Variants in RYR2 observed in about 807,000 individuals in gnomAD.
The protein encoded by RYR2 is ryanodine receptor 2, also known as cardiac muscle ryanodine receptor-calcium release channel.
A neutral mutation model predicts 601.1 loss-of-function variants in RYR2; 227 were observed. The ratio of observed to expected loss-of-function variants is 0.38; its 90% CI spans 0.34 to 0.42. The LOEUF (loss-of-function observed/expected upper bound fraction) is 0.42, where lower values mean the gene tolerates loss of function less well. Among genes scored for constraint, RYR2 ranks in the 10% least tolerant of loss-of-function variants. RYR2 has a pLI of 1.00. For synonymous variants in RYR2, 2,223 were observed against 2,175.1 expected (o/e 1.02, Z -0.61); for missense variants, 4,646 against 6,156.5 (o/e 0.75, Z 8.21).
intron 1 of RYR2, among the ~76,000 whole-genome samples, chr1:237,217,967 C>G (rs1444443601): frequency 2.0e-5 from 3 of 152,166 alleles, no homozygotes; most frequent in African/African-American, 7.2e-5. Flanking sequence ...CATTTAGTGA[C>G]TAATAACTTT....
chr1:237,253,947 A>C (rs572312647), intron 1 of RYR2, among the ~76,000 whole-genome samples: 1 of 152,316 alleles, frequency 6.6e-6, no homozygotes, highest in Admixed American at 6.5e-5. Flanking sequence ...TGGAGGCTGA[A>C]ATTGCAAACT....
chr1:237,460,190 T>C (rs1208632591), intron 16 of RYR2, among the ~76,000 whole-genome samples: 1 of 152,226 alleles, frequency 6.6e-6, no homozygotes, highest in Admixed American at 6.5e-5. Flanking sequence ...CTTTCTGACA[T>C]GGGAAAAGTG....
At chr1:237,042,614 A>G (rs937140246) in intron 1 of RYR2, 45 bp downstream of exon 1, 17 of 1,249,926 alleles carry the variant, frequency 1.4e-5, no homozygotes, top group Non-Finnish European at 1.6e-5. Flanking sequence ...AGGGGGCGTC[A>G]GGGCATCCAC....
At chr1:237,551,262 G>A (rs1416608951) in intron 27 of RYR2, among the ~76,000 whole-genome samples, 1 of 152,150 alleles carries the variant, frequency 6.6e-6, no homozygotes, top group Non-Finnish European at 1.5e-5. Context: ...GGGCATGGTG[G>A]CTCACGCCTG....
chr1:237,117,910 A>G (rs1393361722), intron 1 of RYR2, among the ~76,000 whole-genome samples: 3 of 151,904 alleles, frequency 2.0e-5, no homozygotes, highest in Admixed American at 2.0e-4. Context: ...ACGCCTCACT[A>G]ATTTTTTGTA....
intron 33 of RYR2, among the ~76,000 whole-genome samples, chr1:237,594,686 G>A (rs1157592858): frequency 6.6e-6 from 1 of 151,916 alleles, no homozygotes; most frequent in Non-Finnish European, 1.5e-5. Context: ...CTCAAAAACT[G>A]ATTTATCCCA....
chr1:237,569,258 T>C lies in RYR2; in HGVS notation c.3537T>C (p.Gly1179=), dbSNP rs397516526. 3.8e-4 allele frequency: 607 copies of C among 1,613,952 alleles called. 6 individuals carry two copies. In the South Asian group the frequency reaches 6.3e-3, roughly 17 times the overall value. Residue 1179 remains glycine, a synonymous_variant, in exon 29 of 105, where the codon GGT becomes GGC. Transcript: ENST00000366574. ...NEHTMMFTLN[G]EILLDDSGSE... is the part of the protein sequence containing the mutation. ...ACACCATGATGTTCACACTGAATGG[T>C]GAAATCCTTCTTGATGATTCAGGCT...
chr1:237,723,235 A>T lies in RYR2; in HGVS notation c.10662A>T (p.Ile3554=), dbSNP rs1558290857. The change falls in exon 74 of 105, where the codon ATA becomes ATT. Residue 3554 remains isoleucine (I), a synonymous_variant. Coordinates refer to ENST00000366574, the MANE Select transcript of RYR2 (RefSeq NM_001035.3). ...PEKTVERVLD[I]ANVLFHLEQK... ...AGACGGTAGAAAGAGTATTGGATAT[A>T]GCAAATGTGCTTTTTCATCTTGAAC... 1 of 1,612,100 alleles carries T rather than the reference A, an allele frequency of 6.2e-7. No homozygotes were observed. Among genetic ancestry groups the T allele is most frequent in the African/African-American group, 1.3e-5 (1 of 74,918 alleles).
At chr1:237,476,134 C>G (rs1004446491) in intron 17 of RYR2, among the ~76,000 whole-genome samples, 3 of 152,220 alleles carry the variant, frequency 2.0e-5, no homozygotes, top group African/African-American at 7.2e-5. Context: ...TGAAAGTGGT[C>G]TCTCTTTGGC....
intron 1 of RYR2, among the ~76,000 whole-genome samples, chr1:237,085,971 T>A (rs1214814124): frequency 6.6e-6 from 1 of 152,224 alleles, no homozygotes; most frequent in Non-Finnish European, 1.5e-5. Context: ...CCCAGGCTGA[T>A]CTTGAACTCC....
chr1:237,717,486 G>A, intron 72 of RYR2, 118 bp downstream of exon 72: 2 of 891,948 alleles, frequency 2.2e-6, no homozygotes, highest in Non-Finnish European at 3.2e-6. Context: ...GTTTTATTAA[G>A]CAGGTTTTCT....
At chr1:237,645,946 G>T (rs1682091495) in intron 48 of RYR2, among the ~76,000 whole-genome samples, 1 of 146,734 alleles carries the variant, frequency 6.8e-6, no homozygotes, top group South Asian at 2.2e-4. Flanking sequence ...GCGCAGTCTT[G>T]GCTCACTGCA....
intron 29 of RYR2, among the ~76,000 whole-genome samples, chr1:237,577,490 G>A (rs1345129863): frequency 6.7e-6 from 1 of 149,158 alleles, no homozygotes; most frequent in Non-Finnish European, 1.5e-5. Context: ...GGAAGTAGGA[G>A]TGTGTGTTTC....
At chr1:237,361,262 G>T (rs1699762777) in intron 4 of RYR2, among the ~76,000 whole-genome samples, 1 of 152,102 alleles carries the variant, frequency 6.6e-6, no homozygotes, top group Non-Finnish European at 1.5e-5. Flanking sequence ...AAATTATTGG[G>T]ACTATCATTA....
Position 237,106,168 on chromosome 1 carries a change from C to T in RYR2, c.48+63599C>T, listed in dbSNP as rs971778953. ...ATGGGAGTCATTGCAATCCTTTGAG[C>T]TGAGGGGTAGCTCGTTCTGATTTTC... On this transcript the variant is annotated intron_variant, in intron 1 of 104. Transcript: ENST00000366574. The surrounding 1 kb of genome is among the most constrained non-coding windows in gnomAD (Gnocchi z 4.4). 6.6e-6 allele frequency among the ~76,000 whole-genome samples: 1 copy of T among 152,172 alleles called. No homozygotes were observed. Among genetic ancestry groups the T allele is most frequent in the African/African-American group, 2.4e-5 (1 of 41,446 alleles).
chr1:237,454,606 G>A (rs768467566), intron 15 of RYR2, 32 bp downstream of exon 15: 2 of 1,602,222 alleles, frequency 1.2e-6, no homozygotes, highest in East Asian at 2.2e-5. Flanking sequence ...TTTCTCTTCT[G>A]TTATTCTCTT....
At chr1:237,586,256 G>T (rs191639389) in intron 29 of RYR2, among the ~76,000 whole-genome samples, 38 of 151,904 alleles carry the variant, frequency 2.5e-4, no homozygotes, top group Non-Finnish European at 4.6e-4. Flanking sequence ...AGTTTATTTT[G>T]TTGAGCCCTA....
intron 1 of RYR2, among the ~76,000 whole-genome samples, chr1:237,267,016 T>C (rs116218571): frequency 9.5e-4 from 145 of 152,280 alleles, no homozygotes; most frequent in African/African-American, 3.4e-3. Flanking sequence ...CGTAAGTGAG[T>C]TGGTCTCATA....
intron 10 of RYR2, among the ~76,000 whole-genome samples, chr1:237,412,538 A>T (rs1704555526): frequency 6.6e-6 from 1 of 152,200 alleles, no homozygotes; most frequent in Non-Finnish European, 1.5e-5. Context: ...TAAAGTTTTT[A>T]AACAAAATTC....
Sources: allele counts gnomAD v4.1 joint callset (sites outside exome capture counted in the v4.1 genomes callset), GRCh38; gene constraint gnomAD v4.1.1; non-coding constraint Gnocchi (gnomAD v3.1); transcripts MANE v1.5; gene names NCBI Gene and HGNC (gene_info 2026-07-23, HGNC 2026-07-21).